GCLM: variants seen among roughly 807,000 people sequenced by gnomAD.
The protein encoded by GCLM is glutamate--cysteine ligase regulatory subunit.
Under a neutral mutation model 36.0 loss-of-function variants are expected in GCLM, and 15 were observed. The ratio of observed to expected loss-of-function variants is 0.42; its 90% CI spans 0.28 to 0.64. The LOEUF (loss-of-function observed/expected upper bound fraction) is 0.64. Among genes scored for constraint, GCLM ranks in the 30% least tolerant of loss-of-function variants. The probability of loss-of-function intolerance (pLI) is 0.25; values close to 1 mark genes in which losing one functional copy is unlikely to be tolerated. For synonymous variants in GCLM, 129 were observed against 122.8 expected (o/e 1.05, Z -0.34); for missense variants, 242 against 325.5 (o/e 0.74, Z 1.97).
rs1656816782 is a variant in GCLM, at chr1:93,898,359, A to G, written c.278-461T>C. Among the ~76,000 whole-genome samples the G allele has an allele frequency of 2.7e-5, 4 of 148,442 alleles. No individual in the cohort carries two copies. In the South Asian group the frequency reaches 8.6e-4, roughly 32 times the overall value. Reference sequence around the variant, plus strand: ...ACAATTCTACCTTCCCAATACAATCATTTTCATTTTCAGACACTATCTTCC... The same window carrying G: ...ACAATTCTACCTTCCCAATACAATCGTTTTCATTTTCAGACACTATCTTCC... On this transcript the variant is annotated intron_variant, in intron 3 of 6. Transcript: ENST00000370238.
In GCLM at chr1:93,904,534, C is replaced by T; in HGVS notation, c.181G>A (p.Asp61Asn). 1 of 1,607,778 alleles carries T rather than the reference C, an allele frequency of 6.2e-7. No individual in the cohort carries two copies. Among genetic ancestry groups the T allele is most frequent in the Non-Finnish European group, 8.5e-7 (1 of 1,174,358 alleles). ...CACATTTCACTTACCCTGACCAAAT[C>T]TGGGTTGATTTGGGAACTCCATTCA... The part of the protein sequence containing the change: ...LNEWSSQINP[D>N]LVREFPDVLE... The change falls in exon 2 of 7, where the codon GAT becomes AAT. Residue 61 changes from aspartate to asparagine, a missense_variant. By Grantham distance (23) the Asp-to-Asn change is conservative. Coordinates refer to ENST00000370238, the MANE Select transcript of GCLM (RefSeq NM_002061.4).
At chr1:93,903,947 A>G (rs1343243864) in intron 2 of GCLM, among the ~76,000 whole-genome samples, 2 of 152,226 alleles carry the variant, frequency 1.3e-5, no homozygotes, top group African/African-American at 4.8e-5. Flanking sequence ...TAGTAGCTAT[A>G]GAGTTACATG....
At chr1:93,904,017 A>G (rs1170753723) in intron 2 of GCLM, among the ~76,000 whole-genome samples, 1 of 152,224 alleles carries the variant, frequency 6.6e-6, no homozygotes, top group East Asian at 1.9e-4. Flanking sequence ...ATACTTTTAA[A>G]GTAGCCTAAG....
chr1:93,889,380 A>G (rs1008619731), intron 6 of GCLM, among the ~76,000 whole-genome samples: 4 of 152,114 alleles, frequency 2.6e-5, no homozygotes, highest in African/African-American at 9.7e-5. Context: ...CAGCCTATTT[A>G]ATTCTTAACT....
intron 5 of GCLM, 102 bp downstream of exon 5, chr1:93,896,516 C>T: frequency 1.1e-6 from 1 of 877,734 alleles, no homozygotes. Context: ...GAAAAGTCAC[C>T]CCGCAGGGGT....
chr1:93,887,941 C>T lies in GCLM; in HGVS notation c.*1049G>A, dbSNP rs1656382810. The T allele has an allele frequency of 2.6e-5, 4 of 152,226 alleles. No individual in the cohort carries two copies. Among genetic ancestry groups the T allele is most frequent in the Admixed American group, 2.6e-4 (4 of 15,298 alleles). The allele number at this position is 152,226 out of a possible 1,614,324, so 9.4% of individuals were successfully genotyped here. On this transcript the variant is annotated 3_prime_UTR_variant, in exon 7 of 7. Coordinates refer to ENST00000370238, the MANE Select transcript of GCLM (RefSeq NM_002061.4). ...AAATGACCTATATAGTCTCTTTTAG[C>T]TATAAACTTTCAATTATATTATTCT... is the stretch of plus-strand genomic sequence containing the variant.
chr1:93,904,503 T>C lies in GCLM; in HGVS notation c.192+20A>G. 6.6e-7 allele frequency: 1 copy of C among 1,514,422 alleles called. No homozygotes were observed. The highest frequency in any genetic ancestry group is 1.1e-5 in the South Asian group (1 of 88,862). 93.8% of individuals were successfully genotyped at this position (1,514,422 alleles called of 1,614,324 possible). The stretch of plus-strand genomic sequence containing the variant: ...CTTCCTTTTTGACCTGCATGATTTT[T>C]GCATTCACATTTCACTTACCCTGAC... On this transcript the variant is annotated intron_variant, in intron 2 of 6. Transcript: ENST00000370238.
Position 93,896,499 on chromosome 1 carries a change from A to G in GCLM, c.540+119T>C, listed in dbSNP as rs1451003075. The G allele has an allele frequency of 2.5e-5, 18 of 730,970 alleles. No individual in the cohort carries two copies. The Admixed American group carries it at 4.0e-4, about 16-fold the overall frequency. The allele number at this position is 730,970 out of a possible 1,614,324, so 45.3% of individuals were successfully genotyped here. A position where few individuals can be genotyped will look rare whatever the true frequency, so the allele number is the denominator to read the frequency against. On this transcript the variant is annotated intron_variant, in intron 5 of 6. Coordinates refer to ENST00000370238, the MANE Select transcript of GCLM (RefSeq NM_002061.4). ...CCTGCAGAAACAAAACAAAACTCCCACATGTGGAAAAGTCACCCCGCAGGG... is the reference window on the plus strand; with the variant it reads ...CCTGCAGAAACAAAACAAAACTCCCGCATGTGGAAAAGTCACCCCGCAGGG...
intron 3 of GCLM, among the ~76,000 whole-genome samples, chr1:93,898,263 T>C (rs1656805702): frequency 4.4e-5 from 3 of 67,952 alleles, no homozygotes. Flanking sequence ...CCAAAATCTA[T>C]ATACAAAGAC....
At chr1:93,891,604 C>T (rs1178158805) in intron 6 of GCLM, among the ~76,000 whole-genome samples, 2 of 152,150 alleles carry the variant, frequency 1.3e-5, no homozygotes, top group Non-Finnish European at 1.5e-5. Flanking sequence ...TTTTGTCTGA[C>T]TTGATCCTTT....
At chr1:93,893,279 T>A (rs1010171477) in intron 6 of GCLM, among the ~76,000 whole-genome samples, 1 of 152,216 alleles carries the variant, frequency 6.6e-6, no homozygotes, top group South Asian at 2.1e-4. Flanking sequence ...AAATGTATAG[T>A]TTCCGTTGTT....
At chr1:93,893,263 C>CA (rs775253759) in intron 6 of GCLM, among the ~76,000 whole-genome samples, 3 of 151,638 alleles carry the variant, frequency 2.0e-5, no homozygotes, top group African/African-American at 7.3e-5. Flanking sequence ...TATTTCCTGA[C>CA]AAAAAAAATG....
At chr1:93,896,126 C>T (rs1344881908) in intron 5 of GCLM, among the ~76,000 whole-genome samples, 1 of 138,096 alleles carries the variant, frequency 7.2e-6, no homozygotes, top group Non-Finnish European at 1.6e-5. Context: ...CCATGCCTGG[C>T]TAATTTTTTT....
In GCLM at chr1:93,887,358, G is replaced by T. The variant is rs1360799772; in HGVS notation, c.*1632C>A. The stretch of plus-strand genomic sequence containing the variant: ...ACCACAAAATCCTACTTAGGAAAAG[G>T]GTCTATAATATTTATTTTGAATATG... On this transcript the variant is annotated 3_prime_UTR_variant, in exon 7 of 7. Transcript: ENST00000370238. 1 of 151,806 alleles carries T rather than the reference G, an allele frequency of 6.6e-6. No homozygotes were observed. Among genetic ancestry groups the T allele is most frequent in the Non-Finnish European group, 1.5e-5 (1 of 67,984 alleles). The allele number at this position is 151,806 out of a possible 1,614,324, so 9.4% of individuals were successfully genotyped here.
intron 1 of GCLM, among the ~76,000 whole-genome samples, chr1:93,907,206 CAT>C (rs1158723258): frequency 6.6e-6 from 1 of 152,186 alleles, no homozygotes; most frequent in Non-Finnish European, 1.5e-5. Context: ...ACCAAGCAGT[CAT>C]AGTTTCCCTA....
At chr1:93,889,305 T>C (rs1656441694) in intron 6 of GCLM, 146 bp from the exon 7 acceptor site, 1 of 479,854 alleles carries the variant, frequency 2.1e-6, no homozygotes, top group Admixed American at 4.3e-5. Flanking sequence ...GTGTGTGCTA[T>C]GAATCTGAAC....
chr1:93,894,774 AAT>A (rs768552088), intron 5 of GCLM, 46 bp from the exon 6 acceptor site: 4 of 875,388 alleles, frequency 4.6e-6, no homozygotes, highest in Non-Finnish European at 7.8e-6. Flanking sequence ...AATTAAATAT[AAT>A]ACCAAAAGTA....
intron 1 of GCLM, among the ~76,000 whole-genome samples, chr1:93,905,831 AT>A (rs1333762811): frequency 1.3e-5 from 2 of 152,208 alleles, no homozygotes; most frequent in African/African-American, 4.8e-5. Flanking sequence ...ATTAGAAAAA[AT>A]ATACTGGTCC....
In GCLM at chr1:93,888,877, C is replaced by G. The variant is rs183715602; in HGVS notation, c.*113G>C. On this transcript the variant is annotated 3_prime_UTR_variant, in exon 7 of 7. Transcript: ENST00000370238. Reference sequence around the variant, plus strand: ...ACAGACAACATACTGTCAAATATGACGAAAGAATATCTGCCTCAATGACAC... The same window carrying G: ...ACAGACAACATACTGTCAAATATGAGGAAAGAATATCTGCCTCAATGACAC... The G allele has an allele frequency of 3.0e-6, 2 of 662,790 alleles. No homozygotes were observed. The highest frequency in any genetic ancestry group is 2.9e-5 in the East Asian group (1 of 34,418). 41.1% of individuals were successfully genotyped at this position (662,790 alleles called of 1,614,324 possible). A position where few individuals can be genotyped will look rare whatever the true frequency, so the allele number is the denominator to read the frequency against.
Sources: allele counts gnomAD v4.1 joint callset (sites outside exome capture counted in the v4.1 genomes callset), GRCh38; gene constraint gnomAD v4.1.1; transcripts MANE v1.5; gene names NCBI Gene and HGNC (gene_info 2026-07-23, HGNC 2026-07-21).